The following MAN1A2 variants were observed in gnomAD, a reference collection of about 807,000 sequenced individuals.
MAN1A2 encodes the protein mannosyl-oligosaccharide 1,2-alpha-mannosidase IB.
Under a neutral mutation model 75.7 loss-of-function variants are expected in MAN1A2, and 26 were observed. That is an observed-to-expected ratio of 0.34 (90% CI 0.25 to 0.48). MAN1A2 has a LOEUF of 0.48. Among genes scored for constraint, MAN1A2 ranks in the 20% least tolerant of loss-of-function variants. The probability of loss-of-function intolerance (pLI) is 0.99; values close to 1 mark genes in which losing one functional copy is unlikely to be tolerated. For synonymous variants in MAN1A2, 247 were observed against 264.6 expected (o/e 0.93, Z 0.65); for missense variants, 562 against 775.5 (o/e 0.72, Z 3.27).
chr1:117,463,452 G>T (rs1249248358), intron 7 of MAN1A2, among the ~76,000 whole-genome samples: 2 of 151,862 alleles, frequency 1.3e-5, no homozygotes, highest in Non-Finnish European at 2.9e-5. Context: ...GGCTTCAAGT[G>T]ATCAAGTAGA....
rs1175765502 is a variant in MAN1A2, at chr1:117,527,128, T to A, written c.*4171T>A. 3 of 151,780 alleles carry A rather than the reference T, an allele frequency of 2.0e-5. No individual in the cohort carries two copies. In the Admixed American group the frequency reaches 2.0e-4, roughly 10 times the overall value. The allele number at this position is 151,780 out of a possible 1,614,324, so 9.4% of individuals were successfully genotyped here. A position where few individuals can be genotyped will look rare whatever the true frequency, so the allele number is the denominator to read the frequency against. On this transcript the variant is annotated 3_prime_UTR_variant, in exon 13 of 13. Coordinates refer to ENST00000356554, the MANE Select transcript of MAN1A2 (RefSeq NM_006699.5). ...ACTGATAAAGATGATTTTCTGTTAC[T>A]TTAGCTCATTCAGATCAGGATGGAC...
chr1:117,421,258 G>GT (rs1333547907), intron 5 of MAN1A2, among the ~76,000 whole-genome samples: 1 of 151,932 alleles, frequency 6.6e-6, no homozygotes, highest in Non-Finnish European at 1.5e-5. Flanking sequence ...TCATTTATTT[G>GT]TTTTTTGAGC....
At chr1:117,407,698 A>G (rs1010073729) in intron 3 of MAN1A2, among the ~76,000 whole-genome samples, 4 of 152,228 alleles carry the variant, frequency 2.6e-5, no homozygotes, top group Admixed American at 2.0e-4. Flanking sequence ...CCATTGCAAA[A>G]TGGCTTAAAC....
chr1:117,384,575 G>A (rs546618922), intron 1 of MAN1A2, among the ~76,000 whole-genome samples: 1 of 152,226 alleles, frequency 6.6e-6, no homozygotes, highest in Admixed American at 6.5e-5. Context: ...CTGTTCTGCT[G>A]TTACTGGGTA....
chr1:117,406,350 T>G (rs1237148468), intron 3 of MAN1A2, among the ~76,000 whole-genome samples: 1 of 152,212 alleles, frequency 6.6e-6, no homozygotes, highest in Non-Finnish European at 1.5e-5. Flanking sequence ...GATCATTATC[T>G]TTTAAGTAAT....
intron 12 of MAN1A2, among the ~76,000 whole-genome samples, chr1:117,516,283 C>T (rs903622902): frequency 1.3e-5 from 2 of 152,072 alleles, no homozygotes; most frequent in Non-Finnish European, 2.9e-5. Flanking sequence ...ATTGCTACTA[C>T]AAATGCAGTT....
chr1:117,483,018 T>C (rs1650548331), intron 8 of MAN1A2, among the ~76,000 whole-genome samples: 1 of 152,156 alleles, frequency 6.6e-6, no homozygotes, highest in South Asian at 2.1e-4. Context: ...ATTTCTTGTT[T>C]TTGTCAGGTT....
At chr1:117,444,291 AT>A (rs1214204509) in intron 6 of MAN1A2, among the ~76,000 whole-genome samples, 1 of 148,940 alleles carries the variant, frequency 6.7e-6, no homozygotes, top group Non-Finnish European at 1.5e-5. Flanking sequence ...TACCACAAAC[AT>A]TGCTACAATA....
At chr1:117,428,137 C>T (rs1212801516) in intron 5 of MAN1A2, among the ~76,000 whole-genome samples, 6 of 150,444 alleles carry the variant, frequency 4.0e-5, no homozygotes, top group South Asian at 2.1e-4. Context: ...GGGGGGGGAC[C>T]GAGTCTCACT....
chr1:117,499,455 G>A lies in MAN1A2; in HGVS notation c.1578G>A (p.Lys526=). Residue 526 remains lysine, a synonymous_variant, in exon 11 of 13, where the codon AAG becomes AAA. Coordinates refer to ENST00000356554, the MANE Select transcript of MAN1A2 (RefSeq NM_006699.5). ...CTGTGGCTGTCCGGCAGGCTGAAAAGTATTATATCCTCCGTCCAGAAGTAA... is the reference window on the plus strand; with the variant it reads ...CTGTGGCTGTCCGGCAGGCTGAAAAATATTATATCCTCCGTCCAGAAGTAA... ...VEAVAVRQAE[K]YYILRPEVIE... 1 of 1,608,306 alleles carries A rather than the reference G, an allele frequency of 6.2e-7. No individual in the cohort carries two copies. Among genetic ancestry groups the A allele is most frequent in the Non-Finnish European group, 8.5e-7 (1 of 1,177,280 alleles).
chr1:117,462,588 A>G (rs557736463), intron 7 of MAN1A2, among the ~76,000 whole-genome samples: 1 of 152,170 alleles, frequency 6.6e-6, no homozygotes, highest in Non-Finnish European at 1.5e-5. Context: ...AAGTTTTATT[A>G]GAAATGTTAT....
intron 11 of MAN1A2, among the ~76,000 whole-genome samples, chr1:117,502,229 C>G (rs1453572621): frequency 1.3e-5 from 2 of 151,632 alleles, no homozygotes; most frequent in African/African-American, 4.8e-5. Flanking sequence ...GCTCTTAGAA[C>G]AGCATTCAGC....
intron 5 of MAN1A2, among the ~76,000 whole-genome samples, chr1:117,421,626 C>T (rs1289625328): frequency 2.8e-5 from 4 of 145,236 alleles, no homozygotes; most frequent in African/African-American, 7.5e-5. Context: ...TATGTACTAC[C>T]TTTTTTTTTT....
At chr1:117,428,802 TTTTTTA>T (rs1300415154) in intron 5 of MAN1A2, among the ~76,000 whole-genome samples, 109 of 137,174 alleles carry the variant, frequency 7.9e-4, no homozygotes, top group Non-Finnish European at 1.6e-3. Flanking sequence ...TTTTTTTTTT[TTTTTTA>T]AATTTATTTT....
intron 8 of MAN1A2, among the ~76,000 whole-genome samples, chr1:117,479,599 A>G (rs961462726): frequency 6.6e-6 from 1 of 151,680 alleles, no homozygotes; most frequent in Admixed American, 6.6e-5. Flanking sequence ...CTGTAACCTC[A>G]CCAGCATTTT....
In MAN1A2 at chr1:117,523,056, T is replaced by C. The variant is rs1311337551; in HGVS notation, c.*99T>C. ...CGGCTTTTGAAAACCTGGACCTCTA[T>C]GTCAACATGACAGGGTGAAACTATT... On this transcript the variant is annotated 3_prime_UTR_variant, in exon 13 of 13. Coordinates refer to ENST00000356554, the MANE Select transcript of MAN1A2 (RefSeq NM_006699.5). The C allele has an allele frequency of 7.8e-7, 1 of 1,275,186 alleles. No homozygotes were observed. Among genetic ancestry groups the C allele is most frequent in the Non-Finnish European group, 1.1e-6 (1 of 885,576 alleles). The allele number at this position is 1,275,186 out of a possible 1,614,324, so 79.0% of individuals were successfully genotyped here. A position where few individuals can be genotyped will look rare whatever the true frequency, so the allele number is the denominator to read the frequency against.
intron 1 of MAN1A2, among the ~76,000 whole-genome samples, chr1:117,399,615 G>A (rs976386081): frequency 9.2e-5 from 14 of 152,172 alleles, no homozygotes; most frequent in Non-Finnish European, 1.9e-4. Flanking sequence ...TGAGGGCCGT[G>A]GTGGTAACTC....
chr1:117,422,559 C>T (rs1439638349), intron 5 of MAN1A2, among the ~76,000 whole-genome samples: 1 of 152,006 alleles, frequency 6.6e-6, no homozygotes, highest in African/African-American at 2.4e-5. Context: ...CAAAAATTGC[C>T]TCTCATTGTT....
At chr1:117,407,951 T>C (rs1047901657) in intron 3 of MAN1A2, among the ~76,000 whole-genome samples, 3 of 152,176 alleles carry the variant, frequency 2.0e-5, no homozygotes, top group Non-Finnish European at 4.4e-5. Context: ...CACTGTTTCT[T>C]ATTGTCTCTG....
Sources: allele counts gnomAD v4.1 joint callset (sites outside exome capture counted in the v4.1 genomes callset), GRCh38; gene constraint gnomAD v4.1.1; transcripts MANE v1.5; gene names NCBI Gene and HGNC (gene_info 2026-07-23, HGNC 2026-07-21).